The following PRKG1 variants were observed in gnomAD, a reference collection of about 807,000 sequenced individuals.
PRKG1 encodes protein kinase cGMP-dependent 1.
Under a neutral mutation model 88.1 loss-of-function variants are expected in PRKG1, and 35 were observed. That is an observed-to-expected ratio of 0.40 (90% CI 0.30 to 0.53). The LOEUF (loss-of-function observed/expected upper bound fraction) is 0.53, where lower values mean the gene tolerates loss of function less well. PRKG1 is among the 20% of genes least tolerant of loss of function. The pLI is 0.59. For missense variants in PRKG1, 540 were observed against 839.8 expected (o/e 0.64, Z 4.41); for synonymous variants, 303 against 292.5 (o/e 1.04, Z -0.37).
At chr10:51,019,176 T>C (rs1564572235) in intron 1 of PRKG1, among the ~76,000 whole-genome samples, 1 of 152,130 alleles carries the variant, frequency 6.6e-6, no homozygotes, top group Non-Finnish European at 1.5e-5. Context: ...AAGAACACAA[T>C]GCTATGGAAG....
At chr10:51,223,143 A>T (rs1188640381) in intron 2 of PRKG1, among the ~76,000 whole-genome samples, 1 of 152,084 alleles carries the variant, frequency 6.6e-6, no homozygotes, top group Non-Finnish European at 1.5e-5. Context: ...TACTCATTTT[A>T]TACCTGGAAG....
chr10:51,863,296 A>G (rs79036653), intron 4 of PRKG1, among the ~76,000 whole-genome samples: 13,492 of 152,218 alleles, frequency 0.089, 740 homozygotes, highest in African/African-American at 0.14. Context: ...AATGGACCAC[A>G]GTGAGATTCT....
chr10:51,060,334 G>A (rs1436499163), intron 1 of PRKG1, among the ~76,000 whole-genome samples: 1 of 151,850 alleles, frequency 6.6e-6, no homozygotes, highest in African/African-American at 2.4e-5. Context: ...ATCTATCACT[G>A]TACTGTTTGT....
chr10:51,779,767 A>G (rs1446399173), intron 3 of PRKG1, among the ~76,000 whole-genome samples: 1 of 151,990 alleles, frequency 6.6e-6, no homozygotes, highest in Non-Finnish European at 1.5e-5. Flanking sequence ...CTGCATTCTG[A>G]ATGTTTTTAA....
In PRKG1 at chr10:51,360,012, G is replaced by T. The variant is rs544254981; in HGVS notation, c.479-107711G>T. On this transcript the variant is annotated intron_variant, in intron 2 of 17. Transcript: ENST00000373980. ...TCAGAAAATTGCTCAGGGGTTTCTG[G>T]GGTATCCTGATGGAAATACTACAAC... is the stretch of plus-strand genomic sequence containing the variant. Among the ~76,000 whole-genome samples the T allele has an allele frequency of 2.0e-5, 3 of 151,956 alleles. No homozygotes were observed. The East Asian group carries it at 5.8e-4, about 30-fold the overall frequency.
At chr10:51,196,484 A>C (rs1361455502) in intron 2 of PRKG1, among the ~76,000 whole-genome samples, 1 of 152,212 alleles carries the variant, frequency 6.6e-6, no homozygotes, top group East Asian at 1.9e-4. Context: ...AACCTTTGTC[A>C]GTGACAGATA....
intron 3 of PRKG1, among the ~76,000 whole-genome samples, chr10:51,549,656 C>A (rs1842533744): frequency 6.6e-6 from 1 of 152,080 alleles, no homozygotes; most frequent in African/African-American, 2.4e-5. Context: ...TTTCATGTGA[C>A]CTAATTAAGC....
chr10:52,074,586 T>G (rs1846585094), intron 7 of PRKG1, among the ~76,000 whole-genome samples: 1 of 152,190 alleles, frequency 6.6e-6, no homozygotes, highest in East Asian at 1.9e-4. Flanking sequence ...TGGAGTTAAT[T>G]TTCTTGCTAA....
chr10:51,744,549 T>C (rs956425209), intron 3 of PRKG1, among the ~76,000 whole-genome samples: 1 of 152,248 alleles, frequency 6.6e-6, no homozygotes, highest in Non-Finnish European at 1.5e-5. Flanking sequence ...TGTCCTACCC[T>C]TACATAAGAA....
At chr10:51,933,747 G>C (rs974934292) in intron 5 of PRKG1, among the ~76,000 whole-genome samples, 3 of 151,876 alleles carry the variant, frequency 2.0e-5, no homozygotes, top group Non-Finnish European at 4.4e-5. Context: ...AAAATGATTA[G>C]AATATGTTTA....
At chr10:51,230,942 C>G (rs963864561) in intron 2 of PRKG1, among the ~76,000 whole-genome samples, 8 of 152,100 alleles carry the variant, frequency 5.3e-5, no homozygotes, top group Non-Finnish European at 1.0e-4. Flanking sequence ...TTTAAGTGCA[C>G]TTGCAGAGAG....
intron 4 of PRKG1, among the ~76,000 whole-genome samples, chr10:51,849,435 T>A (rs1407753395): frequency 2.0e-5 from 3 of 152,194 alleles, no homozygotes; most frequent in Non-Finnish European, 2.9e-5. Context: ...TTATTTCTGG[T>A]CTTATCTTGA....
chr10:51,772,556 A>C (rs1355247972), intron 3 of PRKG1, among the ~76,000 whole-genome samples: 1 of 152,066 alleles, frequency 6.6e-6, no homozygotes, highest in Non-Finnish European at 1.5e-5. Context: ...TAAATTATGC[A>C]AAAAAATTAG....
chr10:51,314,189 T>C (rs889899666), intron 2 of PRKG1, among the ~76,000 whole-genome samples: 2 of 152,230 alleles, frequency 1.3e-5, no homozygotes, highest in Non-Finnish European at 2.9e-5. Context: ...AGCAACGTCA[T>C]GGTACAGCCA....
intron 1 of PRKG1, among the ~76,000 whole-genome samples, chr10:51,152,087 A>C (rs1285619750): frequency 6.6e-6 from 1 of 151,956 alleles, no homozygotes; most frequent in Non-Finnish European, 1.5e-5. Flanking sequence ...TAGTGCTCTG[A>C]TTGTCCTCCT....
Position 52,023,742 on chromosome 10 carries a change from C to T in PRKG1, c.763-30742C>T, listed in dbSNP as rs74321112. ...TTGAGAAGTGTCTGTTCATATCCTT[C>T]GCTCACTTTTTGATGGGGTTGTTTT... On this transcript the variant is annotated intron_variant, in intron 5 of 17. Coordinates refer to ENST00000373980, the MANE Select transcript of PRKG1 (RefSeq NM_006258.4). 5.1e-3 allele frequency among the ~76,000 whole-genome samples: 783 copies of T among 152,224 alleles called. 36 individuals carry two copies. The East Asian group carries it at 0.11, about 22-fold the overall frequency.
chr10:51,702,933 G>T (rs377375355), intron 3 of PRKG1, among the ~76,000 whole-genome samples: 4 of 152,198 alleles, frequency 2.6e-5, no homozygotes, highest in East Asian at 3.9e-4. Context: ...GAGCTCAAGC[G>T]ATCTGCTTGC....
intron 2 of PRKG1, among the ~76,000 whole-genome samples, chr10:51,257,690 A>ATTT (rs113631718): frequency 4.6e-4 from 68 of 146,412 alleles, no homozygotes; most frequent in African/African-American, 1.6e-3. Context: ...AAGAAAGCTC[A>ATTT]TTTTTTTTTT....
At chr10:51,941,262 T>C (rs1842900684) in intron 5 of PRKG1, among the ~76,000 whole-genome samples, 1 of 151,958 alleles carries the variant, frequency 6.6e-6, no homozygotes, top group Non-Finnish European at 1.5e-5. Flanking sequence ...TAAGGAATAG[T>C]ATAATGAACA....
Sources: allele counts gnomAD v4.1 joint callset (sites outside exome capture counted in the v4.1 genomes callset), GRCh38; gene constraint gnomAD v4.1.1; transcripts MANE v1.5; gene names NCBI Gene and HGNC (gene_info 2026-07-23, HGNC 2026-07-21).